SETD1B: variants seen among roughly 807,000 people sequenced by gnomAD.
SETD1B encodes SET domain containing 1B, histone lysine methyltransferase, also known as histone-lysine N-methyltransferase SETD1B.
In SETD1B, 7 loss-of-function variants were observed where a neutral mutation model predicts 148.0. The ratio of observed to expected loss-of-function variants is 0.05; its 90% CI spans 0.03 to 0.09. The LOEUF (loss-of-function observed/expected upper bound fraction) is 0.09. Ranked by LOEUF, SETD1B falls within the 10% of genes least tolerant of loss-of-function variation. The probability of loss-of-function intolerance (pLI) is 1.00; values close to 1 mark genes in which losing one functional copy is unlikely to be tolerated. For synonymous variants in SETD1B, 1,361 were observed against 1,186.5 expected (o/e 1.15, Z -3.02); for missense variants, 2,155 against 2,729.9 (o/e 0.79, Z 4.69).
At chr12:121,826,000 G>A (rs961708916) in intron 13 of SETD1B, among the ~76,000 whole-genome samples, 18 of 151,868 alleles carry the variant, frequency 1.2e-4, no homozygotes, top group African/African-American at 2.4e-4. Flanking sequence ...GCTGTGTACC[G>A]GGCACTGTTC....
chr12:121,794,066 C>T, the SETD1B span: 12 of 163,108 alleles, frequency 7.4e-5, no homozygotes, highest in Admixed American at 1.9e-4. Flanking sequence ...TGCCTCCGCA[C>T]CGGGTTCGAG....
the SETD1B span, among the ~76,000 whole-genome samples, chr12:121,798,373 C>G: frequency 6.6e-6 from 1 of 152,220 alleles, no homozygotes; most frequent in Non-Finnish European, 1.5e-5. Flanking sequence ...GGCAGGGACA[C>G]GTGCTTCAGC....
Position 121,817,003 on chromosome 12 carries a change from G to A in SETD1B, c.2716-30G>A, listed in dbSNP as rs761581638. The A allele has an allele frequency of 1.9e-4, 277 of 1,471,932 alleles. No homozygotes were observed. The highest frequency in any genetic ancestry group is 4.1e-4 in the South Asian group (30 of 73,028). The allele number at this position is 1,471,932 out of a possible 1,614,324, so 91.2% of individuals were successfully genotyped here. A position where few individuals can be genotyped will look rare whatever the true frequency, so the allele number is the denominator to read the frequency against. Reference sequence around the variant, plus strand: ...TGCAAGGGTTGGTGGTGCCAGAAGCGGTGACGGTCCCCTCCTGTCTCCACC... The same window carrying A: ...TGCAAGGGTTGGTGGTGCCAGAAGCAGTGACGGTCCCCTCCTGTCTCCACC... On this transcript the variant is annotated intron_variant, in intron 7 of 16. Coordinates refer to ENST00000604567, the MANE Select transcript of SETD1B (RefSeq NM_001353345.2). This position sits in a 1 kb window ranked among gnomAD's most constrained non-coding sequence, Gnocchi z 8.1.
rs1288430445 is a variant in SETD1B, at chr12:121,804,378, C to G, written c.-15+145C>G. ...CCGCCAGCCTCGCGCCAGAGCCGGG[C>G]CGAGCTAGCGGGTGAGCGCCACGCC... On this transcript the variant is annotated intron_variant, in intron 1 of 16. Transcript: ENST00000604567. This position sits in a 1 kb window ranked among gnomAD's most constrained non-coding sequence, Gnocchi z 4.6. The G allele has an allele frequency of 6.8e-6, 1 of 146,294 alleles. No individual in the cohort carries two copies. The highest frequency in any genetic ancestry group is 2.5e-5 in the African/African-American group (1 of 40,462). 9.1% of individuals were successfully genotyped at this position (146,294 alleles called of 1,614,324 possible). A position where few individuals can be genotyped will look rare whatever the true frequency, so the allele number is the denominator to read the frequency against.
Position 121,817,419 on chromosome 12 carries a change from C to A in SETD1B, c.3027C>A (p.Leu1009=). The change falls in exon 9 of 17, where the codon CTC becomes CTA. Residue 1009 remains leucine, a synonymous_variant. Coordinates refer to ENST00000604567, the MANE Select transcript of SETD1B (RefSeq NM_001353345.2). The surrounding 1 kb of genome is among the most constrained non-coding windows in gnomAD (Gnocchi z 8.1). Reference sequence around the variant, plus strand: ...ATATGGCAGACACCCCCTGTGAGCTCGCCAAGCGGGACCCCAAGGGCGTGG... The same window carrying A: ...ATATGGCAGACACCCCCTGTGAGCTAGCCAAGCGGGACCCCAAGGGCGTGG... ...DRDMADTPCE[L]AKRDPKGVGV... The A allele has an allele frequency of 6.5e-7, 1 of 1,537,586 alleles. No homozygotes were observed. Among genetic ancestry groups the A allele is most frequent in the South Asian group, 1.2e-5 (1 of 82,792 alleles).
chr12:121,819,540 A>G lies in SETD1B; in HGVS notation c.3555A>G (p.Glu1185=). 6.4e-7 allele frequency: 1 copy of G among 1,551,418 alleles called. No individual in the cohort carries two copies. Among genetic ancestry groups the G allele is most frequent in the Non-Finnish European group, 8.7e-7 (1 of 1,146,246 alleles). The change falls in exon 11 of 17, where the codon GAA becomes GAG. Residue 1185 remains glutamate, a synonymous_variant. Coordinates refer to ENST00000604567, the MANE Select transcript of SETD1B (RefSeq NM_001353345.2). ...SEDEEEVVAR[E]EEEEEEEEEM... ...ATGAGGAGGAGGTAGTGGCCAGGGA[A>G]GAGGAGGAAGAAGAGGAGGAGGAGG...
chr12:121,817,790 C>G lies in SETD1B; in HGVS notation c.3313-9C>G, dbSNP rs1008877012. On this transcript the variant is annotated splice_polypyrimidine_tract_variant and intron_variant, in intron 9 of 16. Transcript: ENST00000604567. This position sits in a 1 kb window ranked among gnomAD's most constrained non-coding sequence, Gnocchi z 8.1. ...GGCTCACCTGTCCCCACTCTTCCTT[C>G]TCCCCCAGGATGACGACGATGACGA... is the stretch of plus-strand genomic sequence containing the variant. 37 of 1,547,086 alleles carry G rather than the reference C, an allele frequency of 2.4e-5. No individual in the cohort carries two copies. The highest frequency in any genetic ancestry group is 4.1e-5 in the African/African-American group (3 of 72,950).
Position 121,805,812 on chromosome 12 carries a change from C to G in SETD1B, c.274-23C>G. The G allele has an allele frequency of 6.5e-7, 1 of 1,546,432 alleles. No homozygotes were observed. Among genetic ancestry groups the G allele is most frequent in the Non-Finnish European group, 8.7e-7 (1 of 1,143,438 alleles). On this transcript the variant is annotated intron_variant, in intron 3 of 16. Coordinates refer to ENST00000604567, the MANE Select transcript of SETD1B (RefSeq NM_001353345.2). The surrounding 1 kb of genome is among the most constrained non-coding windows in gnomAD (Gnocchi z 4.2). ...TTAGGTTTAAACGTTCTTCAAACTCCCTTCCCCCTCGGCCCCTGCCAGATC... is the reference window on the plus strand; with the variant it reads ...TTAGGTTTAAACGTTCTTCAAACTCGCTTCCCCCTCGGCCCCTGCCAGATC...
chr12:121,794,717 C>T, the SETD1B span, among the ~76,000 whole-genome samples: 1 of 152,144 alleles, frequency 6.6e-6, no homozygotes, highest in African/African-American at 2.4e-5. Context: ...CCTCTTACTC[C>T]TCACCCTGGG....
chr12:121,816,550 A>C (rs775878817), intron 7 of SETD1B, among the ~76,000 whole-genome samples: 16 of 152,226 alleles, frequency 1.1e-4, no homozygotes, highest in Non-Finnish European at 2.1e-4. Flanking sequence ...CACCTTGCAA[A>C]GCTCTTCATG....
intron 11 of SETD1B, among the ~76,000 whole-genome samples, chr12:121,821,959 G>A (rs987639949): frequency 2.6e-5 from 4 of 152,124 alleles, no homozygotes; most frequent in Admixed American, 6.5e-5. Context: ...GCACATTCCT[G>A]TAGTCCCACC....
upstream of SETD1B, chr12:121,799,722 G>GGGGGCGGGT (rs1875215318): frequency 8.1e-6 from 1 of 123,006 alleles, no homozygotes; most frequent in Non-Finnish European, 1.8e-5. Flanking sequence ...GCAGCTGGGG[G>GGGGGCGGGT]GGGGGGGGTG....
At chr12:121,826,041 C>T (rs910343226) in intron 13 of SETD1B, among the ~76,000 whole-genome samples, 1 of 152,034 alleles carries the variant, frequency 6.6e-6, no homozygotes, top group Non-Finnish European at 1.5e-5. Flanking sequence ...AAACCAAATC[C>T]TATTCCTCGT....
chr12:121,818,757 G>A (rs1592984525), intron 10 of SETD1B, among the ~76,000 whole-genome samples: 1 of 151,848 alleles, frequency 6.6e-6, no homozygotes, highest in African/African-American at 2.4e-5. Context: ...GGGCATGGTG[G>A]CAGGTGCCTG....
At position 121,804,757 on chromosome 12, in the gene SETD1B, C is replaced by G. The variant is rs1052521826; in HGVS notation, c.20C>G (p.Pro7Arg). 1.2e-5 allele frequency: 19 copies of G among 1,549,638 alleles called. No individual in the cohort carries two copies. Among genetic ancestry groups the G allele is most frequent in the East Asian group, 4.9e-5 (2 of 40,834 alleles). The change falls in exon 2 of 17, where the codon CCC becomes CGC. Residue 7 changes from proline (P) to arginine (R), a missense_variant. Coordinates refer to ENST00000604567, the MANE Select transcript of SETD1B (RefSeq NM_001353345.2). The surrounding 1 kb of genome is among the most constrained non-coding windows in gnomAD (Gnocchi z 4.6). MENSHP[P>R]HHHHQQPPPQ... ...AACGGCATGGAGAACAGTCACCCCC[C>G]CCACCACCACCACCAGCAGCCCCCG...
At chr12:121,827,392 C>T in intron 13 of SETD1B, 127 bp from the exon 14 acceptor site, 1 of 1,195,058 alleles carries the variant, frequency 8.4e-7, no homozygotes, top group Non-Finnish European at 1.1e-6. Flanking sequence ...CAATTAGGGA[C>T]CGACAGGTGT....
At chr12:121,797,055 C>G in the SETD1B span, among the ~76,000 whole-genome samples, 1 of 151,724 alleles carries the variant, frequency 6.6e-6, no homozygotes, top group African/African-American at 2.4e-5. Flanking sequence ...AAAATTATTG[C>G]TGGACCTGCT....
the SETD1B span, chr12:121,793,768 C>T: frequency 8.1e-6 from 6 of 737,726 alleles, no homozygotes; most frequent in Non-Finnish European, 1.2e-5. Flanking sequence ...CCCGGCCGAC[C>T]TCCCAGCCTC....
chr12:121,803,093 A>G (rs1875477389), upstream of SETD1B: 1 of 151,586 alleles, frequency 6.6e-6, no homozygotes, highest in Non-Finnish European at 1.5e-5. This position sits in a 1 kb window ranked among gnomAD's most constrained non-coding sequence, Gnocchi z 4.7. Flanking sequence ...TATGAGCTAC[A>G]CCAGCTCCGA....
Sources: allele counts gnomAD v4.1 joint callset (sites outside exome capture counted in the v4.1 genomes callset), GRCh38; gene constraint gnomAD v4.1.1; non-coding constraint Gnocchi (gnomAD v3.1); transcripts MANE v1.5; gene names NCBI Gene and HGNC (gene_info 2026-07-23, HGNC 2026-07-21).